Variants in RIMKLB observed in about 807,000 individuals in gnomAD.
RIMKLB encodes beta-citrylglutamate synthase B.
RIMKLB carries 7 observed loss-of-function variants against 32.0 expected under a neutral mutation model. The observed-to-expected ratio is 0.22, with a 90% CI of 0.12 to 0.41. RIMKLB has a LOEUF of 0.41. RIMKLB is among the 10% of genes least tolerant of loss of function. The pLI is 1.00. For missense variants in RIMKLB, 289 were observed against 498.7 expected, an observed-to-expected ratio of 0.58 and a Z score of 4.00; for synonymous variants, 172 against 185.1, an observed-to-expected ratio of 0.93 and a Z score of 0.57.
In RIMKLB at chr12:8,776,241, T is replaced by C; in HGVS notation, c.*2457T>C. On this transcript the variant is annotated 3_prime_UTR_variant, in exon 6 of 6. Transcript: ENST00000535829. ...TTAGTTCATTAGCTTTATTCACTAT[T>C]ATGCATTCACATGATATTAAAACGT... 1 of 978,902 alleles carries C rather than the reference T, an allele frequency of 1.0e-6. No individual in the cohort carries two copies. Among genetic ancestry groups the C allele is most frequent in the Non-Finnish European group, 1.2e-6 (1 of 824,058 alleles). 60.6% of individuals were successfully genotyped at this position (978,902 alleles called of 1,614,324 possible).
rs373460790 is a variant in RIMKLB, at chr12:8,690,353, G to A, written n.219+8535G>A. Reference sequence around the variant, plus strand: ...TGGGTCCTTTGTGGCAAATTATAATGTATGTACCATTATTTTTCACGTTAG... The same window carrying A: ...TGGGTCCTTTGTGGCAAATTATAATATATGTACCATTATTTTTCACGTTAG... On this transcript the variant is annotated intron_variant and non_coding_transcript_variant, in intron 1 of 1. Transcript: ENST00000538758. Among the ~76,000 whole-genome samples the A allele has an allele frequency of 3.3e-5, 5 of 152,122 alleles. No homozygotes were observed. In the East Asian group the frequency reaches 5.8e-4, roughly 18 times the overall value.
At chr12:8,684,777 C>CACGT (rs1942520094) in intron 1 of RIMKLB, among the ~76,000 whole-genome samples, 1 of 152,116 alleles carries the variant, frequency 6.6e-6, no homozygotes, top group Non-Finnish European at 1.5e-5. Flanking sequence ...CATGCCACCA[C>CACGT]GCCCAGCTAG....
At chr12:8,716,431 C>CTTTTTTTTTTTTTTTTTTTTTTT (rs11307521) in intron 2 of RIMKLB, among the ~76,000 whole-genome samples, 1 of 81,682 alleles carries the variant, frequency 1.2e-5, no homozygotes, top group Non-Finnish European at 2.4e-5. Flanking sequence ...ATTAACATGT[C>CTTTTTTTTTTTTTTTTTTTTTTT]TTTTTTTTTT....
intron 2 of RIMKLB, among the ~76,000 whole-genome samples, chr12:8,743,962 A>G (rs1473981585): frequency 6.6e-6 from 1 of 151,988 alleles, no homozygotes; most frequent in Non-Finnish European, 1.5e-5. Context: ...GTTAGAGGAA[A>G]TGGGGTTGAA....
chr12:8,691,954 T>G (rs1166218202), intron 1 of RIMKLB, among the ~76,000 whole-genome samples: 1 of 152,218 alleles, frequency 6.6e-6, no homozygotes, highest in Non-Finnish European at 1.5e-5. Context: ...TTGGATTCTA[T>G]GGATGCATTA....
chr12:8,756,416 A>G (rs78237089), intron 5 of RIMKLB, among the ~76,000 whole-genome samples: 1,999 of 152,302 alleles, frequency 0.013, 39 homozygotes, highest in African/African-American at 0.047. Flanking sequence ...TCTGAGATCT[A>G]TAATCACATG....
At chr12:8,739,287 A>G (rs776729874) in intron 2 of RIMKLB, among the ~76,000 whole-genome samples, 1 of 152,118 alleles carries the variant, frequency 6.6e-6, no homozygotes, top group Non-Finnish European at 1.5e-5. Flanking sequence ...TACATGGAGA[A>G]GAGAGAGAGC....
downstream of RIMKLB, chr12:8,777,317 A>C: frequency 1.0e-6 from 1 of 976,678 alleles, no homozygotes; most frequent in Non-Finnish European, 1.2e-6. Context: ...GGAATGTTTC[A>C]GTAGTGGACA....
At chr12:8,724,914 G>T (rs1945833162) in intron 2 of RIMKLB, among the ~76,000 whole-genome samples, 1 of 152,160 alleles carries the variant, frequency 6.6e-6, no homozygotes, top group Admixed American at 6.5e-5. Flanking sequence ...TAGGGTTAGT[G>T]GAGGGCTGAT....
Position 8,753,882 on chromosome 12 carries a change from A to G in RIMKLB, c.494-8A>G, listed in dbSNP as rs1467931581. 6.2e-7 allele frequency: 1 copy of G among 1,610,772 alleles called. No homozygotes were observed. The highest frequency in any genetic ancestry group is 8.5e-7 in the Non-Finnish European group (1 of 1,177,036). On this transcript the variant is annotated splice_polypyrimidine_tract_variant and splice_region_variant and intron_variant, in intron 4 of 5. Coordinates refer to ENST00000535829, the MANE Select transcript of RIMKLB (RefSeq NM_001297776.2). ...CTTAACATGTATTTTTATTCTTTTC[A>G]ATCATAGGTAAAGCTGTTTTCTTGG...
chr12:8,771,381 G>A (rs766480556), intron 5 of RIMKLB, among the ~76,000 whole-genome samples: 269 of 152,198 alleles, frequency 1.8e-3, no homozygotes, highest in African/African-American at 6.1e-3. Context: ...GACAGGGGAA[G>A]GTTAGATTCT....
intron 2 of RIMKLB, among the ~76,000 whole-genome samples, chr12:8,740,571 C>T (rs1947411058): frequency 6.6e-6 from 1 of 152,316 alleles, no homozygotes; most frequent in East Asian, 1.9e-4. Context: ...AGCTCTCACT[C>T]GTAAGTGAGA....
At chr12:8,701,831 C>A (rs374470714) in intron 1 of RIMKLB, among the ~76,000 whole-genome samples, 1 of 151,626 alleles carries the variant, frequency 6.6e-6, no homozygotes. Flanking sequence ...ATGGCAAAAC[C>A]CCATCTCTAC....
chr12:8,702,180 A>T lies in RIMKLB; in HGVS notation c.-57+3883A>T, dbSNP rs1943467199. 3.9e-5 allele frequency among the ~76,000 whole-genome samples: 6 copies of T among 152,298 alleles called. No individual in the cohort carries two copies. The South Asian group carries it at 1.2e-3, about 32-fold the overall frequency. On this transcript the variant is annotated intron_variant, in intron 1 of 5. Coordinates refer to ENST00000535829, the MANE Select transcript of RIMKLB (RefSeq NM_001297776.2). The stretch of plus-strand genomic sequence containing the variant: ...TCAGGTTATGCATTTCCCACTGGGG[A>T]TAACATCAGGGAATAAAATGGTTGT...
chr12:8,717,686 A>G (rs912279810), intron 2 of RIMKLB, among the ~76,000 whole-genome samples: 1 of 152,230 alleles, frequency 6.6e-6, no homozygotes, highest in Non-Finnish European at 1.5e-5. Context: ...ACTACTGCTA[A>G]TGAAATCAAA....
At chr12:8,678,361 G>A (rs1041287014), upstream of RIMKLB, among the ~76,000 whole-genome samples, 10 of 149,190 alleles carry the variant, frequency 6.7e-5, no homozygotes, top group South Asian at 6.4e-4. Context: ...ATGGAGTTTC[G>A]CTCTCGTTGC....
downstream of RIMKLB, chr12:8,777,482 T>C (rs979591786): frequency 5.8e-5 from 65 of 1,115,606 alleles, no homozygotes; most frequent in Non-Finnish European, 6.9e-5. Context: ...GAAAATTCTT[T>C]CTATATTAAT....
At chr12:8,768,345 G>A (rs1382204789) in intron 5 of RIMKLB, among the ~76,000 whole-genome samples, 1 of 152,164 alleles carries the variant, frequency 6.6e-6, no homozygotes, top group African/African-American at 2.4e-5. Flanking sequence ...AGCAGTGATG[G>A]ACAGTGAGCA....
At chr12:8,718,520 G>A (rs1303208636) in intron 2 of RIMKLB, among the ~76,000 whole-genome samples, 2 of 152,198 alleles carry the variant, frequency 1.3e-5, no homozygotes, top group African/African-American at 2.4e-5. Flanking sequence ...GCATGCGCCT[G>A]TAGTCCCAGC....
Sources: gnomAD v4.1 joint callset for allele counts (sites outside exome capture counted in the v4.1 genomes callset) on GRCh38, gnomAD v4.1.1 for gene constraint, MANE v1.5 for transcripts, NCBI Gene and HGNC (gene_info 2026-07-23, HGNC 2026-07-21) for gene names.